Variants in BICC1 observed in about 807,000 individuals in gnomAD.
The protein encoded by BICC1 is protein bicaudal C homolog 1.
Under a neutral mutation model 111.0 loss-of-function variants are expected in BICC1, and 43 were observed. The ratio of observed to expected loss-of-function variants is 0.39; its 90% CI spans 0.30 to 0.50. The LOEUF is 0.50. Among genes scored for constraint, BICC1 ranks in the 20% least tolerant of loss-of-function variants. BICC1 has a pLI of 0.88. For synonymous variants in BICC1, 467 were observed against 434.4 expected (o/e 1.07, Z -0.93); for missense variants, 1,091 against 1,203.2 (o/e 0.91, Z 1.38).
At chr10:58,762,010 T>G (rs1842329735) in intron 3 of BICC1, among the ~76,000 whole-genome samples, 1 of 152,136 alleles carries the variant, frequency 6.6e-6, no homozygotes. Flanking sequence ...CAGGATCAGT[T>G]TGAGGTCAAA....
At chr10:58,725,333 A>T (rs1841070452) in intron 3 of BICC1, among the ~76,000 whole-genome samples, 1 of 152,124 alleles carries the variant, frequency 6.6e-6, no homozygotes, top group Admixed American at 6.5e-5. Context: ...TCCCTGCCCT[A>T]CTACAATTCC....
intron 3 of BICC1, among the ~76,000 whole-genome samples, chr10:58,724,881 T>C (rs1255511013): frequency 6.6e-6 from 1 of 152,172 alleles, no homozygotes; most frequent in Non-Finnish European, 1.5e-5. Context: ...AAGAAGGAAG[T>C]TGAAGAGATG....
intron 3 of BICC1, chr10:58,716,285 A>G (rs1840738050): frequency 2.0e-6 from 3 of 1,489,354 alleles, no homozygotes; most frequent in African/African-American, 1.4e-5. Context: ...CTGACTCACC[A>G]TAACATTAAG....
chr10:58,820,653 A>C (rs942237979), intron 20 of BICC1, among the ~76,000 whole-genome samples, 185 bp downstream of exon 20: 2 of 152,100 alleles, frequency 1.3e-5, no homozygotes, highest in Non-Finnish European at 2.9e-5. Flanking sequence ...TCATCAAGGC[A>C]TTGCCTGAAA....
intron 3 of BICC1, among the ~76,000 whole-genome samples, chr10:58,783,658 C>T (rs1347250884): frequency 6.6e-6 from 1 of 152,112 alleles, no homozygotes; most frequent in Non-Finnish European, 1.5e-5. Flanking sequence ...TTTACTGACT[C>T]TTTACTGCCT....
chr10:58,800,140 ACT>A (rs1260136103), intron 12 of BICC1, 52 bp from the exon 13 acceptor site: 8 of 1,389,564 alleles, frequency 5.8e-6, no homozygotes, highest in Non-Finnish European at 7.9e-6. Flanking sequence ...TCTTGATTTG[ACT>A]CTCTGTAAAA....
chr10:58,652,331 A>G (rs980595262), intron 2 of BICC1, among the ~76,000 whole-genome samples: 1 of 152,168 alleles, frequency 6.6e-6, no homozygotes, highest in Admixed American at 6.6e-5. Context: ...AGCCAAATTA[A>G]TATGTTAATT....
intron 2 of BICC1, chr10:58,648,489 AT>A: frequency 1.0e-6 from 1 of 984,312 alleles, no homozygotes; most frequent in Non-Finnish European, 1.2e-6. Context: ...ATACTCTTGT[AT>A]GCTGGCCACT....
At chr10:58,745,598 C>CCCCCCT (rs1841807929) in intron 3 of BICC1, among the ~76,000 whole-genome samples, 1 of 57,802 alleles carries the variant, frequency 1.7e-5, no homozygotes, top group Non-Finnish European at 4.2e-5. Context: ...AAGAGCCCCC[C>CCCCCCT]ACCGCCCCCC....
intron 2 of BICC1, among the ~76,000 whole-genome samples, chr10:58,678,358 C>T (rs2132349689): frequency 6.6e-6 from 1 of 152,230 alleles, no homozygotes; most frequent in Admixed American, 6.5e-5. Context: ...GAAGTTTTAT[C>T]AAGCAAATGG....
chr10:58,814,308 A>T, intron 18 of BICC1: 3 of 595,786 alleles, frequency 5.0e-6, no homozygotes, highest in Non-Finnish European at 8.9e-6. Flanking sequence ...AACATTTATG[A>T]AGTGTCCATG....
chr10:58,715,303 T>C (rs1459916951), intron 3 of BICC1, among the ~76,000 whole-genome samples: 2 of 152,148 alleles, frequency 1.3e-5, no homozygotes, highest in African/African-American at 4.8e-5. Context: ...AAATTCTGCC[T>C]GAAATAAAAA....
chr10:58,826,575 C>CCTCCTCTCTACTAAAAATACAAATA (rs1564634791), intron 20 of BICC1, among the ~76,000 whole-genome samples: 1 of 151,866 alleles, frequency 6.6e-6, no homozygotes, highest in Non-Finnish European at 1.5e-5. Flanking sequence ...CACGGTGAAA[C>CCTCCTCTCTACTAAAAATACAAATA]CTTCTCTCTA....
intron 1 of BICC1, among the ~76,000 whole-genome samples, chr10:58,608,427 C>T (rs1236221700): frequency 3.3e-5 from 5 of 152,132 alleles, no homozygotes; most frequent in African/African-American, 4.8e-5. Context: ...AAAAAGAAAA[C>T]GCGTTTTGGA....
At chr10:58,547,652 C>T (rs996538531) in intron 1 of BICC1, among the ~76,000 whole-genome samples, 5 of 150,276 alleles carry the variant, frequency 3.3e-5, no homozygotes, top group Non-Finnish European at 7.4e-5. Context: ...GGTCTCTTCT[C>T]TGTGTATACA....
intron 3 of BICC1, among the ~76,000 whole-genome samples, chr10:58,757,098 A>G (rs1842169725): frequency 6.6e-6 from 1 of 152,208 alleles, no homozygotes; most frequent in Non-Finnish European, 1.5e-5. Flanking sequence ...ATAATACGGG[A>G]TGCTGAACAG....
chr10:58,705,119 A>C (rs886592898), intron 3 of BICC1, among the ~76,000 whole-genome samples: 1 of 152,222 alleles, frequency 6.6e-6, no homozygotes, highest in Non-Finnish European at 1.5e-5. Context: ...TAGAGAGTTC[A>C]GATTCTTCTC....
At chr10:58,823,411 A>T in intron 20 of BICC1, 1 of 984,704 alleles carries the variant, frequency 1.0e-6, no homozygotes. Flanking sequence ...CTTCAGTAGG[A>T]CTTGACCTTG....
chr10:58,789,147 TA>T, intron 6 of BICC1, 114 bp from the exon 7 acceptor site: 1 of 839,660 alleles, frequency 1.2e-6, no homozygotes, highest in Non-Finnish European at 1.9e-6. Flanking sequence ...TTAATATCTA[TA>T]AGGGCAGTTT....
Sources: allele counts gnomAD v4.1 joint callset (sites outside exome capture counted in the v4.1 genomes callset), GRCh38; gene constraint gnomAD v4.1.1; transcripts MANE v1.5; gene names NCBI Gene and HGNC (gene_info 2026-07-23, HGNC 2026-07-21).